The following CFAP61 variants were observed in gnomAD, a reference collection of about 807,000 sequenced individuals.
CFAP61 encodes cilia- and flagella-associated protein 61.
A neutral mutation model predicts 135.6 loss-of-function variants in CFAP61; 107 were observed. The ratio of observed to expected loss-of-function variants is 0.79; its 90% confidence interval spans 0.67 to 0.93. The LOEUF (loss-of-function observed/expected upper bound fraction) is 0.93. Ranked by LOEUF, CFAP61 falls within the 40% of genes least tolerant of loss-of-function variation. The pLI is 0.00. For missense variants in CFAP61, 1,507 were observed against 1,556.2 expected (o/e 0.97, Z 0.53); for synonymous variants, 575 against 578.5 (o/e 0.99, Z 0.09).
At position 20,246,188 on chromosome 20, in the gene CFAP61, C is replaced by G. The variant is rs756329381; in HGVS notation, c.2132C>G (p.Thr711Ser). The change falls in exon 19 of 27, where the codon ACT (threonine) becomes AGT (serine). Residue 711 changes from threonine to serine, a missense_variant. By Grantham distance (58) the Thr-to-Ser change is moderately conservative. Coordinates refer to ENST00000245957, the MANE Select transcript of CFAP61 (RefSeq NM_015585.4). ...CTCCCAGGAAAAAAACTTCTGGACA[C>G]TGAACAAAGGAAATTTTTAGCCAGC... is the stretch of plus-strand genomic sequence containing the variant. ...HGLPGKKLLD[T>S]EQRKFLASDH... 1 of 1,613,178 alleles carries G rather than the reference C, an allele frequency of 6.2e-7. No individual in the cohort carries two copies. Among genetic ancestry groups the G allele is most frequent in the South Asian group, 1.1e-5 (1 of 91,054 alleles).
intron 15 of CFAP61, among the ~76,000 whole-genome samples, chr20:20,192,810 A>G (rs2056020590): frequency 6.6e-6 from 1 of 151,962 alleles, no homozygotes; most frequent in African/African-American, 2.4e-5. Context: ...TATTTTCTAA[A>G]TGTTTGTCTT....
intron 13 of CFAP61, among the ~76,000 whole-genome samples, chr20:20,170,611 G>A (rs2054154044): frequency 6.6e-6 from 1 of 152,184 alleles, no homozygotes; most frequent in African/African-American, 2.4e-5. Context: ...TAAAGTTGAT[G>A]CACAATCTTC....
At chr20:20,264,552 A>G (rs2147014599) in intron 21 of CFAP61, among the ~76,000 whole-genome samples, 1 of 152,318 alleles carries the variant, frequency 6.6e-6, no homozygotes, top group East Asian at 1.9e-4. Context: ...TAATCACCCC[A>G]TGATCTATGT....
At chr20:20,245,312 C>T (rs201286693) in intron 18 of CFAP61, among the ~76,000 whole-genome samples, 2 of 152,126 alleles carry the variant, frequency 1.3e-5, no homozygotes, top group South Asian at 2.1e-4. Flanking sequence ...AAAAGAAAGA[C>T]GTTTAATGGA....
intron 2 of CFAP61, among the ~76,000 whole-genome samples, chr20:20,065,615 T>G (rs2045190753): frequency 1.3e-5 from 1 of 76,264 alleles, no homozygotes; most frequent in Non-Finnish European, 3.2e-5. Flanking sequence ...ATAGACATTT[T>G]GAAAAAAAAA....
intron 26 of CFAP61, among the ~76,000 whole-genome samples, chr20:20,342,708 C>A (rs1294772963): frequency 1.3e-5 from 2 of 152,168 alleles, no homozygotes; most frequent in Non-Finnish European, 2.9e-5. Flanking sequence ...TTGGACGGCA[C>A]TGCTAGGGAG....
chr20:20,277,016 G>T, intron 21 of CFAP61, 150 bp from the exon 22 acceptor site: 1 of 577,158 alleles, frequency 1.7e-6, no homozygotes, highest in East Asian at 2.9e-5. Flanking sequence ...TTTACTAAAT[G>T]ATCTTGGTCG....
At chr20:20,250,849 C>T (rs1311469568) in intron 19 of CFAP61, among the ~76,000 whole-genome samples, 2 of 152,172 alleles carry the variant, frequency 1.3e-5, no homozygotes, top group Non-Finnish European at 1.5e-5. Flanking sequence ...TACGTGAAAG[C>T]GCTCAAACTC....
chr20:20,283,656 C>T (rs944543318), intron 22 of CFAP61, among the ~76,000 whole-genome samples: 2 of 152,198 alleles, frequency 1.3e-5, no homozygotes, highest in African/African-American at 4.8e-5. Flanking sequence ...CTATCTGGAG[C>T]TTGAAGTCCT....
chr20:20,351,601 T>C (rs1188557306), intron 26 of CFAP61, among the ~76,000 whole-genome samples: 1 of 151,334 alleles, frequency 6.6e-6, no homozygotes, highest in Non-Finnish European at 1.5e-5. Flanking sequence ...TTATATACAC[T>C]AACAATAAAC....
chr20:20,250,850 G>A (rs1212163872), intron 19 of CFAP61, among the ~76,000 whole-genome samples: 2 of 152,142 alleles, frequency 1.3e-5, no homozygotes, highest in Non-Finnish European at 2.9e-5. Flanking sequence ...ACGTGAAAGC[G>A]CTCAAACTCC....
intron 6 of CFAP61, chr20:20,085,290 T>C (rs1399965995): frequency 1.0e-6 from 1 of 985,328 alleles, no homozygotes; most frequent in Non-Finnish European, 1.2e-6. Flanking sequence ...TTTCCATAGC[T>C]GGGGTGTTTT....
At chr20:20,092,301 A>G (rs944576139) in intron 7 of CFAP61, among the ~76,000 whole-genome samples, 16 of 152,228 alleles carry the variant, frequency 1.1e-4, no homozygotes, top group Non-Finnish European at 1.6e-4. Context: ...ATGAAAGTCT[A>G]TGTAAAAATT....
At chr20:20,079,247 A>G (rs1877744126) in intron 6 of CFAP61, among the ~76,000 whole-genome samples, 1 of 152,056 alleles carries the variant, frequency 6.6e-6, no homozygotes, top group African/African-American at 2.4e-5. Context: ...TTTTCTCTCA[A>G]GCTCATCCCT....
chr20:20,169,575 A>G lies in CFAP61; in HGVS notation c.1385+115A>G, dbSNP rs2054075611. The stretch of plus-strand genomic sequence containing the variant: ...TTTATTTTAAATATCATCTTTTATT[A>G]GAAGAGGTCTTGAGTAAGTGATTTT... On this transcript the variant is annotated intron_variant, in intron 13 of 26. Transcript: ENST00000245957. 8.4e-6 allele frequency: 8 copies of G among 948,370 alleles called. No homozygotes were observed. In the Admixed American group the frequency reaches 1.8e-4, roughly 21 times the overall value. 58.7% of individuals were successfully genotyped at this position (948,370 alleles called of 1,614,324 possible). A position where few individuals can be genotyped will look rare whatever the true frequency, so the allele number is the denominator to read the frequency against.
chr20:20,159,199 C>T (rs112959764), intron 9 of CFAP61, among the ~76,000 whole-genome samples, 171 bp from the exon 10 acceptor site: 22 of 152,330 alleles, frequency 1.4e-4, no homozygotes, highest in African/African-American at 4.8e-4. Context: ...AGATGCTCTT[C>T]TCATCCCCTT....
intron 8 of CFAP61, among the ~76,000 whole-genome samples, chr20:20,102,256 T>G (rs1421116864): frequency 6.6e-6 from 1 of 152,226 alleles, no homozygotes; most frequent in Non-Finnish European, 1.5e-5. Flanking sequence ...AAGATTTGCC[T>G]CTGAGGCAAG....
intron 8 of CFAP61, among the ~76,000 whole-genome samples, chr20:20,100,882 C>T (rs1054827566): frequency 3.9e-5 from 6 of 152,162 alleles, no homozygotes; most frequent in African/African-American, 1.4e-4. Flanking sequence ...CTGTTTACCT[C>T]CTTCAATATT....
intron 13 of CFAP61, among the ~76,000 whole-genome samples, chr20:20,181,725 A>G (rs2055114332): frequency 6.6e-6 from 1 of 152,210 alleles, no homozygotes; most frequent in Admixed American, 6.6e-5. Context: ...TGAAAAACAT[A>G]GCTAATCTCC....
Sources: gnomAD v4.1 joint callset for allele counts (sites outside exome capture counted in the v4.1 genomes callset) on GRCh38, gnomAD v4.1.1 for gene constraint, MANE v1.5 for transcripts, NCBI Gene and HGNC (gene_info 2026-07-23, HGNC 2026-07-21) for gene names.